The following DACH1 variants were observed in gnomAD, a reference collection of about 807,000 sequenced individuals.
DACH1 encodes dachshund homolog 1.
Under a neutral mutation model 54.2 loss-of-function variants are expected in DACH1, and 12 were observed. The ratio of observed to expected loss-of-function variants is 0.22; its 90% CI spans 0.14 to 0.36. The LOEUF is 0.36. Among genes scored for constraint, DACH1 ranks in the 10% least tolerant of loss-of-function variants. The probability of loss-of-function intolerance (pLI) is 1.00; values close to 1 mark genes in which losing one functional copy is unlikely to be tolerated. For missense variants in DACH1, 805 were observed against 929.8 expected (o/e 0.87, Z 1.75); for synonymous variants, 386 against 366.2 (o/e 1.05, Z -0.62).
At position 71,757,549 on chromosome 13, in the gene DACH1, A is replaced by T. The variant is rs9564838; in HGVS notation, c.849-75639T>A. On this transcript the variant is annotated intron_variant, in intron 1 of 10. Transcript: ENST00000613252. ...TTTTTTTTTTTTTTTTTTGAGACAG[A>T]GTCTTGCTCTGTCGCCCAGGCTGGA... Among the ~76,000 whole-genome samples the T allele has an allele frequency of 2.9e-3, 417 of 143,680 alleles. 19 individuals carry two copies. In the East Asian group the frequency reaches 0.071, roughly 24 times the overall value. 94.3% of individuals were successfully genotyped at this position (143,680 alleles called of 152,430 possible). A position where few individuals can be genotyped will look rare whatever the true frequency, so the allele number is the denominator to read the frequency against.
At chr13:71,646,700 T>C (rs527896432) in intron 2 of DACH1, among the ~76,000 whole-genome samples, 11 of 152,300 alleles carry the variant, frequency 7.2e-5, no homozygotes, top group African/African-American at 2.2e-4. Flanking sequence ...TAGTGGAAAA[T>C]AGAAAATCCT....
chr13:71,545,113 C>T (rs371250871), intron 6 of DACH1, among the ~76,000 whole-genome samples: 19 of 152,020 alleles, frequency 1.2e-4, no homozygotes, highest in African/African-American at 4.6e-4. Flanking sequence ...TAAAAACAAA[C>T]TTGCTTTTTT....
At chr13:71,520,392 A>C in intron 6 of DACH1, among the ~76,000 whole-genome samples, 1 of 151,800 alleles carries the variant, frequency 6.6e-6, no homozygotes, top group Non-Finnish European at 1.5e-5. Context: ...TAAATATAGA[A>C]TAAATTGAAG....
At chr13:71,811,412 A>G (rs1374414486) in intron 1 of DACH1, among the ~76,000 whole-genome samples, 1 of 152,176 alleles carries the variant, frequency 6.6e-6, no homozygotes, top group South Asian at 2.1e-4. Flanking sequence ...AAATTAGTAC[A>G]ACTTCCAGAT....
intron 4 of DACH1, among the ~76,000 whole-genome samples, chr13:71,566,662 A>C (rs1197481323): frequency 1.3e-5 from 2 of 152,108 alleles, no homozygotes; most frequent in Admixed American, 1.3e-4. Context: ...TAAACATGTG[A>C]TGTATTTCAA....
chr13:71,547,502 A>T (rs1471542220), intron 6 of DACH1, among the ~76,000 whole-genome samples: 1 of 152,134 alleles, frequency 6.6e-6, no homozygotes, highest in African/African-American at 2.4e-5. Flanking sequence ...TAGCAACAAT[A>T]GTAATGTAAA....
intron 5 of DACH1, among the ~76,000 whole-genome samples, chr13:71,558,486 C>T (rs545945868): frequency 6.6e-6 from 1 of 151,948 alleles, no homozygotes; most frequent in East Asian, 1.9e-4. Context: ...TAACAAAACT[C>T]ATTCAAATCT....
At chr13:71,828,387 T>C (rs73503544) in intron 1 of DACH1, among the ~76,000 whole-genome samples, 6,049 of 152,042 alleles carry the variant, frequency 0.04, 370 homozygotes, top group African/African-American at 0.14. Flanking sequence ...AGTGAGTTCT[T>C]TAACCTCTGT....
chr13:71,718,582 A>AC (rs1883092367), intron 1 of DACH1, among the ~76,000 whole-genome samples: 1 of 151,340 alleles, frequency 6.6e-6, no homozygotes, highest in Non-Finnish European at 1.5e-5. Context: ...TCTGAAAAAA[A>AC]AAAAAAAAAA....
chr13:71,776,895 T>A (rs1886088678), intron 1 of DACH1, among the ~76,000 whole-genome samples: 1 of 152,122 alleles, frequency 6.6e-6, no homozygotes, highest in Non-Finnish European at 1.5e-5. Context: ...TCTCTACAAC[T>A]TGTTCTTCCT....
chr13:71,848,730 G>C (rs562549839), intron 1 of DACH1, among the ~76,000 whole-genome samples: 1 of 151,960 alleles, frequency 6.6e-6, no homozygotes. Flanking sequence ...TCACTATGTT[G>C]CCCAGGATGG....
intron 1 of DACH1, among the ~76,000 whole-genome samples, chr13:71,795,604 T>C (rs1394683041): frequency 1.3e-5 from 2 of 152,170 alleles, no homozygotes; most frequent in African/African-American, 4.8e-5. Context: ...CTTAGTATAA[T>C]GTCTGATATA....
chr13:71,457,481 C>T (rs959627761), intron 10 of DACH1, among the ~76,000 whole-genome samples: 1 of 151,938 alleles, frequency 6.6e-6, no homozygotes, highest in Non-Finnish European at 1.5e-5. Context: ...TTTTATTACA[C>T]TCACTTTCCT....
chr13:71,512,637 T>C (rs1405077504), intron 6 of DACH1, among the ~76,000 whole-genome samples: 1 of 151,958 alleles, frequency 6.6e-6, no homozygotes, highest in Admixed American at 6.6e-5. Flanking sequence ...GTGTTCAATA[T>C]AGTGTTGTCA....
At position 71,866,882 on chromosome 13, in the gene DACH1, A is replaced by G. The variant is rs1874863637; in HGVS notation, c.-113T>C. 2 of 756,144 alleles carry G rather than the reference A, an allele frequency of 2.6e-6. No homozygotes were observed. The highest frequency in any genetic ancestry group is 1.3e-4 in the South Asian group (2 of 15,152). The allele number at this position is 756,144 out of a possible 1,614,324, so 46.8% of individuals were successfully genotyped here. ...AGAAGGAGCGAGGGGGGCAACAACA[A>G]CTCCGGGAGAGAACGAGAAGGAGAA... On this transcript the variant is annotated 5_prime_UTR_variant, in exon 1 of 11. Transcript: ENST00000613252.
chr13:71,567,113 G>A (rs548208620), intron 4 of DACH1, among the ~76,000 whole-genome samples: 3 of 152,032 alleles, frequency 2.0e-5, no homozygotes, highest in South Asian at 2.1e-4. Flanking sequence ...TTCTTTAAAT[G>A]AGAATGTCAC....
chr13:71,497,352 A>G (rs1198876415), intron 6 of DACH1, among the ~76,000 whole-genome samples: 1 of 150,054 alleles, frequency 6.7e-6, no homozygotes, highest in Admixed American at 6.6e-5. Context: ...TTTTTTTGAG[A>G]CTGAGTTTCG....
chr13:71,517,981 A>G (rs900900368), intron 6 of DACH1, among the ~76,000 whole-genome samples: 1 of 151,888 alleles, frequency 6.6e-6, no homozygotes, highest in Non-Finnish European at 1.5e-5. Context: ...CTATTATAAA[A>G]TGTATCCTCA....
At chr13:71,595,578 G>A (rs1448512070) in intron 3 of DACH1, among the ~76,000 whole-genome samples, 1 of 152,074 alleles carries the variant, frequency 6.6e-6, no homozygotes, top group Non-Finnish European at 1.5e-5. Context: ...AAGGTTTTAG[G>A]CATGAACAAG....
Sources: gnomAD v4.1 joint callset for allele counts (sites outside exome capture counted in the v4.1 genomes callset) on GRCh38, gnomAD v4.1.1 for gene constraint, MANE v1.5 for transcripts, NCBI Gene and HGNC (gene_info 2026-07-23, HGNC 2026-07-21) for gene names.